LHX2: variants seen among roughly 807,000 people sequenced by gnomAD.
LHX2 encodes the protein LIM homeobox 2, also known as LIM/homeobox protein Lhx2.
Under a neutral mutation model 33.0 loss-of-function variants are expected in LHX2, and 6 were observed. The observed-to-expected ratio is 0.18, with a 90% CI of 0.10 to 0.36. The LOEUF is 0.36. Among genes scored for constraint, LHX2 ranks in the 10% least tolerant of loss-of-function variants. The pLI, the probability that LHX2 is intolerant of heterozygous loss-of-function variation, is 1.00. For synonymous variants in LHX2, 292 were observed against 253.1 expected, an observed-to-expected ratio of 1.15 and a Z score of -1.46; for missense variants, 442 against 586.2, an observed-to-expected ratio of 0.75 and a Z score of 2.54.
At chr9:124,018,293 A>C (rs1189517787) in intron 3 of LHX2, among the ~76,000 whole-genome samples, 1 of 147,044 alleles carries the variant, frequency 6.8e-6, no homozygotes, top group East Asian at 2.0e-4. Context: ...AAAAGGAGAG[A>C]GAAAGCCCGG....
rs1859191220 is a variant in LHX2 at position 124,016,389 on chromosome 9, C to G, written c.727+864C>G. Among the ~76,000 whole-genome samples, 1 of 152,194 alleles carries G rather than the reference C, an allele frequency of 6.6e-6. No homozygotes were observed. Among genetic ancestry groups the G allele is most frequent in the African/African-American group, 2.4e-5 (1 of 41,448 alleles). ...GGCAAATGAGCCGTCAACATCTGCC[C>G]GAAGTCTGCAAGGCCCGGAAAGGTT... On this transcript the variant is annotated intron_variant, in intron 3 of 4. Coordinates refer to ENST00000373615, the MANE Select transcript of LHX2 (RefSeq NM_004789.4). This position sits in a 1 kb window ranked among gnomAD's most constrained non-coding sequence, Gnocchi z 4.4.
intron 4 of LHX2, among the ~76,000 whole-genome samples, chr9:124,031,330 C>G (rs1423029755): frequency 2.0e-5 from 3 of 152,136 alleles, no homozygotes; most frequent in African/African-American, 4.8e-5. Flanking sequence ...TTATTATTGC[C>G]TGATTCTCAT....
At position 124,032,658 on chromosome 9, in the gene LHX2, G is replaced by T; in HGVS notation, c.1172G>T (p.Gly391Val). The change falls in exon 5 of 5, where the codon GGC becomes GTC. Residue 391 changes from glycine (G) to valine (V), a missense_variant. Physicochemically the swap from Gly to Val is moderately radical, Grantham distance 109 (BLOSUM62 -3). Around this residue, in one of 5 missense-constraint regions of LHX2, gnomAD observed 109 missense variants for 98.7 expected, o/e 1.10. Coordinates refer to ENST00000373615, the MANE Select transcript of LHX2 (RefSeq NM_004789.4). This position sits in a 1 kb window ranked among gnomAD's most constrained non-coding sequence, Gnocchi z 4.1. ...ACTTCTGTGCCTGGCAACCTGGAGG[G>T]CCATGAGCCTCACAGCCCCTCACAA... ...VLTSVPGNLE[G>V]HEPHSPSQTT... is the part of the protein sequence containing the mutation. The T allele has an allele frequency of 1.9e-6, 3 of 1,613,272 alleles. No homozygotes were observed. The highest frequency in any genetic ancestry group is 1.7e-6 in the Non-Finnish European group (2 of 1,179,424).
chr9:124,015,591 G>A lies in LHX2; in HGVS notation c.727+66G>A. 1 of 1,421,348 alleles carries A rather than the reference G, an allele frequency of 7.0e-7. No homozygotes were observed. The highest frequency in any genetic ancestry group is 2.9e-5 in the Admixed American group (1 of 34,606). 88.0% of individuals were successfully genotyped at this position (1,421,348 alleles called of 1,614,324 possible). A position where few individuals can be genotyped will look rare whatever the true frequency, so the allele number is the denominator to read the frequency against. On this transcript the variant is annotated intron_variant, in intron 3 of 4. Coordinates refer to ENST00000373615, the MANE Select transcript of LHX2 (RefSeq NM_004789.4). The surrounding 1 kb of genome is among the most constrained non-coding windows in gnomAD (Gnocchi z 7.9). ...GAAAGTGTGCGGCCTCGACGGCCGG[G>A]AGCTGGATTGAATCTCTGTGTGCTG...
intron 4 of LHX2, among the ~76,000 whole-genome samples, chr9:124,025,576 C>T (rs531219105): frequency 2.0e-5 from 3 of 152,190 alleles, no homozygotes; most frequent in South Asian, 4.1e-4. Context: ...TTAAGATGCC[C>T]TAAGCTTGGG....
At chr9:124,031,689 T>C (rs1384655920) in intron 4 of LHX2, 3 of 152,248 alleles carry the variant, frequency 2.0e-5, no homozygotes, top group Non-Finnish European at 2.9e-5. Context: ...CATTTCGACA[T>C]GTAATCAATA....
intron 4 of LHX2, chr9:124,021,948 G>A (rs564633339): frequency 2.0e-5 from 3 of 152,554 alleles, no homozygotes; most frequent in African/African-American, 4.8e-5. Context: ...ATGGTGGGGT[G>A]GGGGAGCGGC....
intron 4 of LHX2, among the ~76,000 whole-genome samples, chr9:124,027,911 T>A (rs1392711136): frequency 6.6e-6 from 1 of 151,998 alleles, no homozygotes; most frequent in African/African-American, 2.4e-5. Flanking sequence ...AGTTTTTTTT[T>A]ATCCTTTTTT....
chr9:124,031,001 G>T (rs144898922), intron 4 of LHX2, among the ~76,000 whole-genome samples: 2 of 152,098 alleles, frequency 1.3e-5, no homozygotes, highest in African/African-American at 4.8e-5. Context: ...GAGTGGACGC[G>T]TGTGTGTCTG....
At position 124,012,304 on chromosome 9, in the gene LHX2, C is replaced by A. The variant is rs1255002270; in HGVS notation, c.-45C>A. The stretch of plus-strand genomic sequence containing the variant: ...AGGCAGCTGAGGCGGGGGGCAAGCC[C>A]TCCCTCGGAGGAGCCGCGCCCCCGG... On this transcript the variant is annotated 5_prime_UTR_variant, in exon 1 of 5. Transcript: ENST00000373615. This position sits in a 1 kb window ranked among gnomAD's most constrained non-coding sequence, Gnocchi z 4.3. 2.0e-6 allele frequency: 3 copies of A among 1,469,852 alleles called. No homozygotes were observed. Among genetic ancestry groups the A allele is most frequent in the African/African-American group, 2.9e-5 (2 of 68,006 alleles). 91.1% of individuals were successfully genotyped at this position (1,469,852 alleles called of 1,614,324 possible).
At chr9:124,017,698 G>C (rs1331855439) in intron 3 of LHX2, among the ~76,000 whole-genome samples, 1 of 152,096 alleles carries the variant, frequency 6.6e-6, no homozygotes, top group African/African-American at 2.4e-5. Flanking sequence ...TCCGAGGCGC[G>C]GCGGCACCTT....
chr9:124,020,985 A>C (rs1254695550), intron 3 of LHX2, 114 bp from the exon 4 acceptor site: 1 of 888,610 alleles, frequency 1.1e-6, no homozygotes, highest in Non-Finnish European at 1.8e-6. Context: ...ATTGTGGCGC[A>C]GACATGCAGC....
chr9:124,013,632 C>T (rs908179201), intron 1 of LHX2, among the ~76,000 whole-genome samples: 4 of 152,260 alleles, frequency 2.6e-5, no homozygotes, highest in Non-Finnish European at 5.9e-5. Context: ...GAGTAGCTGT[C>T]CTGGTCCCTA....
rs778247825 is a variant in LHX2 at position 124,015,416 on chromosome 9, C to A, written c.618C>A (p.Ala206=). The A allele has an allele frequency of 3.7e-6, 6 of 1,602,746 alleles. No homozygotes were observed. The highest frequency in any genetic ancestry group is 5.1e-6 in the Non-Finnish European group (6 of 1,174,566). The change falls in exon 3 of 5, where the codon GCC becomes GCA. Residue 206 remains alanine (A), a synonymous_variant. Transcript: ENST00000373615. This position sits in a 1 kb window ranked among gnomAD's most constrained non-coding sequence, Gnocchi z 7.9. ...AKSAGLGAAG[A]NPLGLPYYNG... ...GCGCGGGGCTGGGCGCAGCAGGGGC[C>A]AACCCTCTGGGTCTTCCCTACTACA...
rs941868466 is a variant in LHX2 at position 124,015,902 on chromosome 9, G to A, written c.727+377G>A. On this transcript the variant is annotated intron_variant, in intron 3 of 4. Coordinates refer to ENST00000373615, the MANE Select transcript of LHX2 (RefSeq NM_004789.4). The surrounding 1 kb of genome is among the most constrained non-coding windows in gnomAD (Gnocchi z 7.9). ...GGCGCGGCTGAGGGCCGGGAACTGG[G>A]GCAGCGAAGGAACGAGGCAGGGCGG... 2.0e-5 allele frequency among the ~76,000 whole-genome samples: 3 copies of A among 152,260 alleles called. No individual in the cohort carries two copies. The highest frequency in any genetic ancestry group is 4.4e-5 in the Non-Finnish European group (3 of 68,048).
At chr9:124,021,019 G>A in intron 3 of LHX2, 80 bp from the exon 4 acceptor site, 1 of 1,259,666 alleles carries the variant, frequency 7.9e-7, no homozygotes, top group Non-Finnish European at 1.1e-6. Context: ...GAAATGTTTG[G>A]CAGTGGGTGG....
intron 4 of LHX2, among the ~76,000 whole-genome samples, chr9:124,023,369 A>G (rs1323779095): frequency 6.6e-6 from 1 of 152,256 alleles, no homozygotes; most frequent in Non-Finnish European, 1.5e-5. Flanking sequence ...GTGTTAGGCC[A>G]CATTCAAAGC....
chr9:124,012,258 C>T lies in LHX2; in HGVS notation c.-91C>T, dbSNP rs1426298688. 4 of 1,288,162 alleles carry T rather than the reference C, an allele frequency of 3.1e-6. No homozygotes were observed. Among genetic ancestry groups the T allele is most frequent in the Non-Finnish European group, 4.0e-6 (4 of 1,008,312 alleles). 79.8% of individuals were successfully genotyped at this position (1,288,162 alleles called of 1,614,324 possible). ...GGGGCCGCGGTGGCGATGCACCGGGCCCGTTAGCGCCAGGAGCGCCAGGCA... is the reference window on the plus strand; with the variant it reads ...GGGGCCGCGGTGGCGATGCACCGGGTCCGTTAGCGCCAGGAGCGCCAGGCA... On this transcript the variant is annotated 5_prime_UTR_variant, in exon 1 of 5. Transcript: ENST00000373615. The surrounding 1 kb of genome is among the most constrained non-coding windows in gnomAD (Gnocchi z 4.3).
At chr9:124,031,439 G>A (rs969976246) in intron 4 of LHX2, among the ~76,000 whole-genome samples, 1 of 150,458 alleles carries the variant, frequency 6.6e-6, no homozygotes, top group Non-Finnish European at 1.5e-5. Flanking sequence ...AAAGGCAACT[G>A]CCAAAAAAGG....
Sources: gnomAD v4.1 joint callset for allele counts (sites outside exome capture counted in the v4.1 genomes callset) on GRCh38, gnomAD v4.1.1 for gene constraint, gnomAD v4.1.1 regional missense constraint, Gnocchi (gnomAD v3.1) non-coding constraint, MANE v1.5 for transcripts, NCBI Gene and HGNC (gene_info 2026-07-23, HGNC 2026-07-21) for gene names.